The following OTULINL variants were observed in gnomAD, a reference collection of about 807,000 sequenced individuals.
OTULINL encodes the protein inactive ubiquitin thioesterase OTULINL.
A neutral mutation model predicts 43.9 loss-of-function variants in OTULINL; 42 were observed. The ratio of observed to expected loss-of-function variants is 0.96; its 90% CI spans 0.75 to 1.24. The LOEUF (loss-of-function observed/expected upper bound fraction) is 1.24. OTULINL is among the 50% of genes most tolerant of loss of function. OTULINL has a pLI of 0.00. For missense variants in OTULINL, 411 were observed against 426.4 expected (o/e 0.96, Z 0.32); for synonymous variants, 172 against 153.6 (o/e 1.12, Z -0.88).
rs1759575231 is a variant in OTULINL, at chr5:14,611,192, A to G, written c.*878A>G. 1 of 152,226 alleles carries G rather than the reference A, an allele frequency of 6.6e-6. No individual in the cohort carries two copies. The highest frequency in any genetic ancestry group is 1.5e-5 in the Non-Finnish European group (1 of 68,044). The allele number at this position is 152,226 out of a possible 1,614,324, so 9.4% of individuals were successfully genotyped here. A position where few individuals can be genotyped will look rare whatever the true frequency, so the allele number is the denominator to read the frequency against. ...AATCCTCAGAGCCGTAAAGGGCTAAATGGGTTAAATGGGAAAGGAGAATTA... is the reference window on the plus strand; with the variant it reads ...AATCCTCAGAGCCGTAAAGGGCTAAGTGGGTTAAATGGGAAAGGAGAATTA... On this transcript the variant is annotated 3_prime_UTR_variant, in exon 8 of 8. Transcript: ENST00000274217.
chr5:14,600,891 A>AT (rs936351129), intron 1 of OTULINL, 74 bp from the exon 2 acceptor site: 77 of 1,257,834 alleles, frequency 6.1e-5, no homozygotes, highest in South Asian at 3.4e-4. Flanking sequence ...CTCTCTCTGC[A>AT]TTTTTTTTCT....
intron 1 of OTULINL, among the ~76,000 whole-genome samples, chr5:14,600,706 ATACTCTTTATTCTTCT>A (rs1410892218): frequency 3.9e-5 from 6 of 152,204 alleles, no homozygotes; most frequent in Non-Finnish European, 8.8e-5. Flanking sequence ...TCTGAAGCCC[ATACTCTTTATTCTTCT>A]TAATTTTGTG....
chr5:14,608,062 TA>T (rs1759512173), intron 6 of OTULINL, among the ~76,000 whole-genome samples: 1 of 152,234 alleles, frequency 6.6e-6, no homozygotes. Context: ...CAGTGAATGT[TA>T]AAGCACACTA....
chr5:14,590,880 C>T (rs1242944504), intron 1 of OTULINL, among the ~76,000 whole-genome samples: 1 of 152,136 alleles, frequency 6.6e-6, no homozygotes, highest in Non-Finnish European at 1.5e-5. Flanking sequence ...GTCTTTCCTA[C>T]AAATGAGAAA....
In OTULINL at chr5:14,610,787, G is replaced by T; in HGVS notation, c.*473G>T. ...CATTACCTTCCCAGGAATCTTTGTTGTATATTAATTTTTGATAACCATTTG... is the reference window on the plus strand; with the variant it reads ...CATTACCTTCCCAGGAATCTTTGTTTTATATTAATTTTTGATAACCATTTG... On this transcript the variant is annotated 3_prime_UTR_variant, in exon 8 of 8. Transcript: ENST00000274217. 1 of 155,720 alleles carries T rather than the reference G, an allele frequency of 6.4e-6. No homozygotes were observed. Among genetic ancestry groups the T allele is most frequent in the Admixed American group, 6.2e-5 (1 of 16,140 alleles). 9.6% of individuals were successfully genotyped at this position (155,720 alleles called of 1,614,324 possible).
At chr5:14,605,631 G>A (rs1481248782) in intron 5 of OTULINL, among the ~76,000 whole-genome samples, 1 of 152,136 alleles carries the variant, frequency 6.6e-6, no homozygotes, top group Non-Finnish European at 1.5e-5. Flanking sequence ...GCCTTTAACA[G>A]CATCCAAGTC....
At chr5:14,582,278 C>G (rs930801683) in intron 1 of OTULINL, among the ~76,000 whole-genome samples, 5 of 151,870 alleles carry the variant, frequency 3.3e-5, no homozygotes, top group Admixed American at 1.3e-4. Flanking sequence ...GGTCGGGGTC[C>G]CCTCAGAGCC....
intron 5 of OTULINL, among the ~76,000 whole-genome samples, chr5:14,605,066 G>A (rs890454038): frequency 6.6e-6 from 1 of 152,230 alleles, no homozygotes; most frequent in Non-Finnish European, 1.5e-5. Context: ...TGCCCTAGCA[G>A]AGGTTCTCCA....
intron 1 of OTULINL, among the ~76,000 whole-genome samples, chr5:14,593,833 C>T (rs1455350458): frequency 2.0e-5 from 3 of 152,102 alleles, no homozygotes; most frequent in East Asian, 1.9e-4. Flanking sequence ...GTTTAGTGGG[C>T]GCCTTGGGGG....
chr5:14,610,083 G>A, intron 7 of OTULINL, 58 bp from the exon 8 acceptor site: 1 of 1,493,718 alleles, frequency 6.7e-7, no homozygotes, highest in Non-Finnish European at 9.3e-7. Context: ...CCCCACCGTG[G>A]CGGGAGGCAG....
At chr5:14,597,005 T>C (rs546391622) in intron 1 of OTULINL, among the ~76,000 whole-genome samples, 98 of 152,284 alleles carry the variant, frequency 6.4e-4, no homozygotes, top group Non-Finnish European at 1.2e-3. Context: ...GTAGGACACA[T>C]TGGGGACACA....
intron 6 of OTULINL, 44 bp downstream of exon 6, chr5:14,607,502 C>CTAGGA: frequency 6.2e-7 from 1 of 1,608,876 alleles, no homozygotes; most frequent in Non-Finnish European, 8.5e-7. Context: ...AATAAAAGCA[C>CTAGGA]ATATCCCAGA....
At chr5:14,595,202 A>G (rs1759265673) in intron 1 of OTULINL, among the ~76,000 whole-genome samples, 1 of 152,186 alleles carries the variant, frequency 6.6e-6, no homozygotes, top group Non-Finnish European at 1.5e-5. Context: ...CTTCAGGAGA[A>G]AGTCAGTGGG....
rs1451329075 is a variant in OTULINL, at chr5:14,614,806, C to G, written c.*4492C>G. 1.3e-5 allele frequency: 5 copies of G among 398,560 alleles called. No homozygotes were observed. Among genetic ancestry groups the G allele is most frequent in the Non-Finnish European group, 2.2e-5 (5 of 226,052 alleles). The allele number at this position is 398,560 out of a possible 1,614,324, so 24.7% of individuals were successfully genotyped here. ...TAGAATGCTAAAGTTATAATCCTAG[C>G]TGGTGTCTCGTTCTGTTTAAAAAAA... On this transcript the variant is annotated 3_prime_UTR_variant, in exon 8 of 8. Coordinates refer to ENST00000274217, the MANE Select transcript of OTULINL (RefSeq NM_019018.3).
chr5:14,586,875 CAA>C (rs768331767), intron 1 of OTULINL, among the ~76,000 whole-genome samples: 7 of 138,410 alleles, frequency 5.1e-5, no homozygotes, highest in Admixed American at 7.2e-5. Flanking sequence ...TTCACTGTTT[CAA>C]AAAAAAAAAA....
At position 14,601,423 on chromosome 5, in the gene OTULINL, G is replaced by A. The variant is rs568811741; in HGVS notation, c.329G>A (p.Arg110His). 1.5e-5 allele frequency: 24 copies of A among 1,613,958 alleles called. No individual in the cohort carries two copies. Among genetic ancestry groups the A allele is most frequent in the South Asian group, 1.4e-4 (13 of 91,068 alleles). ...CAREWKGETPRNKLMRKAYEE... is the reference protein window; with the variant it reads ...CAREWKGETPHNKLMRKAYEE... Reference sequence around the variant, plus strand: ...AGAGAATGGAAAGGAGAGACACCCCGTAACAAGCTGATGAGGAAGGTGTGT... The same window carrying A: ...AGAGAATGGAAAGGAGAGACACCCCATAACAAGCTGATGAGGAAGGTGTGT... The change falls in exon 4 of 8, where the codon CGT becomes CAT. Residue 110 changes from arginine (R) to histidine (H), a missense_variant. Coordinates refer to ENST00000274217, the MANE Select transcript of OTULINL (RefSeq NM_019018.3).
intron 1 of OTULINL, among the ~76,000 whole-genome samples, chr5:14,594,328 T>C (rs1759252485): frequency 6.6e-6 from 1 of 152,270 alleles, no homozygotes; most frequent in Non-Finnish European, 1.5e-5. Flanking sequence ...TTAATTTATT[T>C]GTTTAGACTA....
At chr5:14,592,591 A>C (rs1759222805) in intron 1 of OTULINL, among the ~76,000 whole-genome samples, 1 of 152,200 alleles carries the variant, frequency 6.6e-6, no homozygotes, top group Non-Finnish European at 1.5e-5. Flanking sequence ...GAATACACTG[A>C]ACTAGCCTGC....
At chr5:14,608,676 C>T (rs1579928242) in intron 6 of OTULINL, 72 bp from the exon 7 acceptor site, 1 of 1,165,650 alleles carries the variant, frequency 8.6e-7, no homozygotes, top group Non-Finnish European at 1.2e-6. Flanking sequence ...TTTATAAATA[C>T]ATTAAAAGTT....
Sources: allele counts gnomAD v4.1 joint callset (sites outside exome capture counted in the v4.1 genomes callset), GRCh38; gene constraint gnomAD v4.1.1; transcripts MANE v1.5; gene names NCBI Gene and HGNC (gene_info 2026-07-23, HGNC 2026-07-21).